MRPL1: variants seen among roughly 807,000 people sequenced by gnomAD.
MRPL1 encodes large ribosomal subunit protein uL1m.
MRPL1 carries 28 observed loss-of-function variants against 38.0 expected under a neutral mutation model. The observed-to-expected ratio is 0.74, with a 90% CI of 0.55 to 1.01. The LOEUF (loss-of-function observed/expected upper bound fraction) is 1.01. Ranked by LOEUF, MRPL1 falls within the 50% of genes least tolerant of loss-of-function variation. The pLI is 0.00. For missense variants in MRPL1, 358 were observed against 389.8 expected (o/e 0.92, Z 0.69); for synonymous variants, 123 against 126.7 (o/e 0.97, Z 0.20).
At chr4:77,909,985 A>T (rs1349649273) in intron 7 of MRPL1, among the ~76,000 whole-genome samples, 1 of 152,206 alleles carries the variant, frequency 6.6e-6, no homozygotes, top group Non-Finnish European at 1.5e-5. Context: ...CCTATCCAAC[A>T]TATGTAATTT....
At chr4:77,886,449 C>T (rs11726462) in intron 4 of MRPL1, among the ~76,000 whole-genome samples, 6,246 of 152,034 alleles carry the variant, frequency 0.041, 206 homozygotes, top group South Asian at 0.086. Context: ...ATTCTCTTGC[C>T]TCAGCCTCCC....
At chr4:77,925,343 T>G (rs1341291162) in intron 7 of MRPL1, among the ~76,000 whole-genome samples, 6 of 151,498 alleles carry the variant, frequency 4.0e-5, no homozygotes, top group East Asian at 3.9e-4. Flanking sequence ...CTTTTTTTTT[T>G]TTGTTTTTTG....
intron 7 of MRPL1, among the ~76,000 whole-genome samples, chr4:77,934,508 G>T (rs1221210584): frequency 1.3e-5 from 2 of 152,130 alleles, no homozygotes; most frequent in African/African-American, 4.8e-5. Flanking sequence ...ATACTCTGTA[G>T]GATGGCTATT....
intron 8 of MRPL1, among the ~76,000 whole-genome samples, chr4:77,951,823 G>A (rs182100008): frequency 1.3e-5 from 2 of 152,204 alleles, no homozygotes; most frequent in African/African-American, 2.4e-5. Context: ...GGTTGTGTAC[G>A]TGTGCCCTGC....
chr4:77,878,016 G>A (rs570388108), intron 2 of MRPL1, among the ~76,000 whole-genome samples: 6 of 152,166 alleles, frequency 3.9e-5, no homozygotes, highest in South Asian at 2.1e-4. Flanking sequence ...TGAACTCCCC[G>A]TATGCCTGGG....
chr4:77,866,483 C>A (rs1481582498), intron 1 of MRPL1, among the ~76,000 whole-genome samples: 1 of 152,096 alleles, frequency 6.6e-6, no homozygotes, highest in African/African-American at 2.4e-5. Flanking sequence ...TTACATTATT[C>A]TTCTGTTGAG....
intron 6 of MRPL1, among the ~76,000 whole-genome samples, chr4:77,907,502 C>CCG (rs1264259905): frequency 6.1e-4 from 20 of 32,540 alleles, no homozygotes; most frequent in African/African-American, 1.6e-3. Context: ...CTCCCTCCGT[C>CCG]TCTCTCTCTC....
chr4:77,951,939 G>T (rs1041900128), intron 8 of MRPL1, among the ~76,000 whole-genome samples: 1 of 152,198 alleles, frequency 6.6e-6, no homozygotes, highest in African/African-American at 2.4e-5. Flanking sequence ...GTTGGAAGAT[G>T]AATTAATGAA....
At chr4:77,946,133 C>T (rs1041956746) in intron 7 of MRPL1, among the ~76,000 whole-genome samples, 10 of 151,976 alleles carry the variant, frequency 6.6e-5, no homozygotes, top group South Asian at 2.1e-4. Context: ...CCAGAGCGGC[C>T]GTTTATAGAC....
chr4:77,891,943 G>A (rs1735815842), intron 5 of MRPL1, among the ~76,000 whole-genome samples: 1 of 152,022 alleles, frequency 6.6e-6, no homozygotes, highest in Admixed American at 6.6e-5. Context: ...GTTACCCCGT[G>A]GTGTCTTTTT....
At chr4:77,882,802 A>G (rs906897292) in intron 2 of MRPL1, among the ~76,000 whole-genome samples, 5 of 152,162 alleles carry the variant, frequency 3.3e-5, no homozygotes, top group South Asian at 2.1e-4. Context: ...TTTGTGTACT[A>G]GATTTTGTGT....
intron 2 of MRPL1, among the ~76,000 whole-genome samples, chr4:77,880,640 T>C (rs1327385839): frequency 6.6e-6 from 1 of 152,162 alleles, no homozygotes; most frequent in Non-Finnish European, 1.5e-5. Flanking sequence ...TTAAAACTTT[T>C]ATGGTTAGAA....
At chr4:77,947,505 T>C (rs1737298283) in intron 7 of MRPL1, among the ~76,000 whole-genome samples, 1 of 152,194 alleles carries the variant, frequency 6.6e-6, no homozygotes, top group Non-Finnish European at 1.5e-5. Flanking sequence ...CTATTGGTAA[T>C]ATAATGGATA....
chr4:77,868,911 G>A (rs574657587), intron 1 of MRPL1, among the ~76,000 whole-genome samples: 1 of 152,290 alleles, frequency 6.6e-6, no homozygotes, highest in South Asian at 2.1e-4. Flanking sequence ...TGTTCAAAGA[G>A]CCAAGTTTAG....
chr4:77,883,036 C>T (rs997822137), intron 2 of MRPL1, among the ~76,000 whole-genome samples: 5 of 152,286 alleles, frequency 3.3e-5, no homozygotes, highest in East Asian at 3.9e-4. Flanking sequence ...AGCATCAGTG[C>T]GGTAATTCAA....
At chr4:77,886,308 C>T (rs1266829905) in intron 4 of MRPL1, among the ~76,000 whole-genome samples, 4 of 151,912 alleles carry the variant, frequency 2.6e-5, no homozygotes, top group Non-Finnish European at 4.4e-5. Flanking sequence ...GCTGGAACTG[C>T]GGGTGCTAGC....
At chr4:77,862,987 G>A in intron 1 of MRPL1, 108 bp downstream of exon 1, 2 of 1,385,800 alleles carry the variant, frequency 1.4e-6, no homozygotes, top group South Asian at 2.4e-5. Context: ...GCCTCGTGCT[G>A]TTTCTGGTCT....
At chr4:77,942,178 G>T (rs1250199902) in intron 7 of MRPL1, among the ~76,000 whole-genome samples, 1 of 152,026 alleles carries the variant, frequency 6.6e-6, no homozygotes, top group African/African-American at 2.4e-5. Context: ...GGTTTTGAGG[G>T]TTCCTTTTGG....
intron 1 of MRPL1, among the ~76,000 whole-genome samples, chr4:77,867,746 C>CTTTTT (rs71214374): frequency 1.4e-4 from 13 of 92,040 alleles, no homozygotes; most frequent in South Asian, 3.9e-4. Context: ...ATAGTTATTT[C>CTTTTT]TTTTTTTTTT....
Sources: gnomAD v4.1 joint callset for allele counts (sites outside exome capture counted in the v4.1 genomes callset) on GRCh38, gnomAD v4.1.1 for gene constraint, MANE v1.5 for transcripts, NCBI Gene and HGNC (gene_info 2026-07-23, HGNC 2026-07-21) for gene names.